The following AMT variants were observed in gnomAD, a reference collection of about 807,000 sequenced individuals.
AMT encodes aminomethyltransferase, also known as aminomethyltransferase, mitochondrial.
AMT carries 24 observed loss-of-function variants against 39.5 expected under a neutral mutation model. That is an observed-to-expected ratio of 0.61 (90% CI 0.44 to 0.86). AMT has a LOEUF of 0.86. Among genes scored for constraint, AMT ranks in the 40% least tolerant of loss-of-function variants. The probability of loss-of-function intolerance (pLI) is 0.00; values close to 1 mark genes in which losing one functional copy is unlikely to be tolerated. For synonymous variants in AMT, 210 were observed against 212.1 expected (o/e 0.99, Z 0.09); for missense variants, 501 against 537.0 (o/e 0.93, Z 0.66).
chr3:49,419,431 G>C (rs773590861), intron 5 of AMT, 26 bp from the exon 6 acceptor site: 1 of 1,612,088 alleles, frequency 6.2e-7, no homozygotes, highest in African/African-American at 1.3e-5. Flanking sequence ...CAGTGACCAA[G>C]TATCCAGGTC....
rs140697432 is a variant in AMT, at chr3:49,420,239, C to A, written c.443G>T (p.Cys148Phe). The A allele has an allele frequency of 5.0e-6, 8 of 1,614,114 alleles. No individual in the cohort carries two copies. The African/African-American group carries it at 6.7e-5, about 13-fold the overall frequency. The part of the protein sequence containing the change: ...GHLYVVSNAG[C>F]WEKDLALMQD... ...CATGAGGGCCAAATCTTTCTCCCAG[C>A]AGCCAGCGTTGGACACCACATACAG... The change falls in exon 4 of 9, where the codon TGC becomes TTC. Residue 148 changes from cysteine to phenylalanine, a missense_variant. Cys to Phe is a radical substitution (Grantham distance 205). Coordinates refer to ENST00000273588, the MANE Select transcript of AMT (RefSeq NM_000481.4).
At chr3:49,418,651 G>A (rs767031665) in intron 7 of AMT, 22 of 333,212 alleles carry the variant, frequency 6.6e-5, no homozygotes, top group Non-Finnish European at 9.3e-5. Context: ...ACAGGCGCCC[G>A]CCACAATGCC....
In AMT at chr3:49,417,878, A is replaced by G. The variant is rs1487986234; in HGVS notation, c.973T>C (p.Cys325Arg). The G allele has an allele frequency of 6.2e-7, 1 of 1,613,942 alleles. No homozygotes were observed. The highest frequency in any genetic ancestry group is 1.1e-5 in the South Asian group (1 of 91,080). ...RVQRRRVGLM[C>R]EGAPMRAHSP... Reference sequence around the variant, plus strand: ...TGTGCCCGCATGGGGGCCCCCTCACACATCAACCCCACACGCCTCCGCTGC... The same window carrying G: ...TGTGCCCGCATGGGGGCCCCCTCACGCATCAACCCCACACGCCTCCGCTGC... Residue 325 changes from cysteine (C) to arginine (R), a missense_variant, in exon 8 of 9, where the codon TGT becomes CGT. Transcript: ENST00000273588.
At chr3:49,418,071 A>G (rs1220132194) in intron 7 of AMT, 98 bp from the exon 8 acceptor site, 2 of 1,456,144 alleles carry the variant, frequency 1.4e-6, no homozygotes, top group African/African-American at 1.4e-5. Flanking sequence ...TCTAGCATCA[A>G]GGCCCCTTTG....
chr3:49,420,417 G>T lies in AMT; in HGVS notation c.340-75C>A. 28 of 1,608,858 alleles carry T rather than the reference G, an allele frequency of 1.7e-5. 2 individuals are homozygous for T. The South Asian group carries it at 3.1e-4, about 18-fold the overall frequency. On this transcript the variant is annotated intron_variant, in intron 3 of 8. Coordinates refer to ENST00000273588, the MANE Select transcript of AMT (RefSeq NM_000481.4). ...CAAGGGTGAGCCAGACACAACCCTGGACCCACTTAGTTACCAAAAGGTTAT... is the reference window on the plus strand; with the variant it reads ...CAAGGGTGAGCCAGACACAACCCTGTACCCACTTAGTTACCAAAAGGTTAT...
chr3:49,418,712 A>T (rs1259519216), intron 7 of AMT: 1 of 449,494 alleles, frequency 2.2e-6, no homozygotes, highest in African/African-American at 2.1e-5. Flanking sequence ...TCACCATGTT[A>T]GCCAGGATGG....
chr3:49,419,744 C>T lies in AMT; in HGVS notation c.516G>A (p.Leu172=), dbSNP rs1281064499. ...CTAGCAGGGCATTATCCAACACCTC[C>T]AGGCCCACATCTCTGCCCTGGTTCT... The part of the protein sequence containing the change: ...ELQNQGRDVG[L]EVLDNALLAL... Residue 172 remains leucine, a synonymous_variant, in exon 5 of 9, where the codon CTG becomes CTA. Transcript: ENST00000273588. 1.2e-6 allele frequency: 2 copies of T among 1,614,086 alleles called. No homozygotes were observed. Among genetic ancestry groups the T allele is most frequent in the African/African-American group, 2.7e-5 (2 of 74,924 alleles).
rs779002947 is a variant in AMT at position 49,422,131 on chromosome 3, C to T, written c.231G>A (p.Ser77=). Residue 77 remains serine, a synonymous_variant, in exon 2 of 9, where the codon TCG becomes TCA. Coordinates refer to ENST00000273588, the MANE Select transcript of AMT (RefSeq NM_000481.4). The stretch of plus-strand genomic sequence containing the variant: ...GCAGCATATGAGACACGTCAAAGAG[C>T]GAGCAGTGCTGGCGTGTGTGCAGGT... The part of the protein sequence containing the change: ...DSHLHTRQHC[S]LFDVSHMLQT... 99 of 1,613,686 alleles carry T rather than the reference C, an allele frequency of 6.1e-5. 1 individual carries two copies. In the Admixed American group the frequency reaches 1.3e-3, roughly 22 times the overall value.
rs147482804 is a variant in AMT at position 49,420,251 on chromosome 3, G to A, written c.431C>T (p.Ser144Phe). ...ATCTTTCTCCCAGCAGCCAGCGTTG[G>A]ACACCACATACAGGTGGCCCTCAGA... ...NTSEGHLYVV[S>F]NAGCWEKDLA... The change falls in exon 4 of 9, where the codon TCC (serine) becomes TTC (phenylalanine). Residue 144 changes from serine (S) to phenylalanine (F), a missense_variant. Physicochemically the swap from Ser to Phe is radical, Grantham distance 155. Transcript: ENST00000273588. 9 of 1,614,070 alleles carry A rather than the reference G, an allele frequency of 5.6e-6. No individual in the cohort carries two copies. In the African/African-American group the frequency reaches 9.3e-5, roughly 17 times the overall value.
intron 2 of AMT, 35 bp from the exon 3 acceptor site, chr3:49,421,607 A>G (rs1486684330): frequency 3.2e-6 from 5 of 1,581,224 alleles, no homozygotes; most frequent in Non-Finnish European, 4.3e-6. Flanking sequence ...GGCCATTGCA[A>G]CAGCTACAAT....
At chr3:49,419,985 C>A in intron 4 of AMT, 197 bp from the exon 5 acceptor site, 1 of 775,222 alleles carries the variant, frequency 1.3e-6, no homozygotes, top group Non-Finnish European at 2.2e-6. Context: ...CCCAGTTCTG[C>A]CACCTCACAC....
chr3:49,419,142 G>T lies in AMT; in HGVS notation c.706C>A (p.Pro236Thr). 1 of 1,613,636 alleles carries T rather than the reference G, an allele frequency of 6.2e-7. No homozygotes were observed. The highest frequency in any genetic ancestry group is 1.1e-5 in the South Asian group (1 of 91,042). Residue 236 changes from proline to threonine, a missense_variant, in exon 7 of 9, where the codon CCG (proline) becomes ACG (threonine). Pro to Thr is a conservative substitution (Grantham distance 38). Coordinates refer to ENST00000273588, the MANE Select transcript of AMT (RefSeq NM_000481.4). ...GCCAGGTGAACTGCCCCCGCTACCGGCACCGAGATCTGTATGAAACACCAG... is the reference window on the plus strand; with the variant it reads ...GCCAGGTGAACTGCCCCCGCTACCGTCACCGAGATCTGTATGAAACACCAG... ...TGEDGVEISV[P>T]VAGAVHLATA...
rs777583902 is a variant in AMT, at chr3:49,417,899, G to A, written c.952C>T (p.Arg318Trp). 38 of 1,613,832 alleles carry A rather than the reference G, an allele frequency of 2.4e-5. No individual in the cohort carries two copies. In the Admixed American group the frequency reaches 3.3e-4, roughly 14 times the overall value. Residue 318 changes from arginine (R) to tryptophan (W), a missense_variant, in exon 8 of 9, where the codon CGG becomes TGG. Physicochemically the swap from Arg to Trp is moderately radical, Grantham distance 101. Transcript: ENST00000273588. ...IVPQLKGRVQRRRVGLMCEGA... is the reference protein window; with the variant it reads ...IVPQLKGRVQWRRVGLMCEGA... Reference sequence around the variant, plus strand: ...TCACACATCAACCCCACACGCCTCCGCTGCACCCTGCCCTTCAGCTGGGGA... The same window carrying A: ...TCACACATCAACCCCACACGCCTCCACTGCACCCTGCCCTTCAGCTGGGGA...
At chr3:49,422,310 C>T (rs780984623) in intron 1 of AMT, 39 bp from the exon 2 acceptor site, 11 of 1,613,750 alleles carry the variant, frequency 6.8e-6, no homozygotes, top group African/African-American at 2.7e-5. Context: ...GGGCCCTAGC[C>T]CCCAGCCGCT....
chr3:49,421,811 C>T, intron 2 of AMT: 1 of 670,442 alleles, frequency 1.5e-6, no homozygotes, highest in Non-Finnish European at 2.7e-6. Context: ...CCTGAAATAA[C>T]CCCTTTTCAA....
chr3:49,417,228 AC>A lies in AMT; in HGVS notation c.*311del. On this transcript the variant is annotated 3_prime_UTR_variant, in exon 9 of 9. Coordinates refer to ENST00000273588, the MANE Select transcript of AMT (RefSeq NM_000481.4). ...GGTGAGCCTTTGCTCCACAGCCAGC[AC>A]CTGGCAGAGTGGGAGAGATGGCAGA... 1 of 1,556,916 alleles carries A rather than the reference AC, an allele frequency of 6.4e-7. No homozygotes were observed. The highest frequency in any genetic ancestry group is 8.8e-7 in the Non-Finnish European group (1 of 1,142,474).
chr3:49,419,960 T>TA, intron 4 of AMT, 172 bp from the exon 5 acceptor site: 1 of 806,432 alleles, frequency 1.2e-6, no homozygotes, highest in Non-Finnish European at 2.1e-6. Flanking sequence ...TACTAAGTGA[T>TA]AGAGATGACC....
At chr3:49,420,503 C>A in intron 3 of AMT, 161 bp from the exon 4 acceptor site, 1 of 1,033,928 alleles carries the variant, frequency 9.7e-7, no homozygotes, top group Non-Finnish European at 1.4e-6. Flanking sequence ...AGTCCAAGGT[C>A]TTTGATCCTC....
At chr3:49,421,356 G>A (rs1303560661) in intron 3 of AMT, 136 bp downstream of exon 3, 1 of 730,880 alleles carries the variant, frequency 1.4e-6, no homozygotes, top group African/African-American at 1.7e-5. Context: ...AATGACTCAG[G>A]GATTCTGTCC....
Sources: allele counts gnomAD v4.1 joint callset, GRCh38; gene constraint gnomAD v4.1.1; transcripts MANE v1.5; gene names NCBI Gene and HGNC (gene_info 2026-07-23, HGNC 2026-07-21).